Variants in ZNF536 observed in about 807,000 individuals in gnomAD.
ZNF536 encodes the protein zinc finger protein 536.
In ZNF536, 13 loss-of-function variants were observed where a neutral mutation model predicts 84.5. The ratio of observed to expected loss-of-function variants is 0.15; its 90% CI spans 0.10 to 0.24. The LOEUF is 0.24. Among genes scored for constraint, ZNF536 ranks in the 10% least tolerant of loss-of-function variants. The probability of loss-of-function intolerance (pLI) is 1.00; values close to 1 mark genes in which losing one functional copy is unlikely to be tolerated. For missense variants in ZNF536, 1,536 were observed against 1,747.5 expected (o/e 0.88, Z 2.16); for synonymous variants, 811 against 742.5 (o/e 1.09, Z -1.50).
chr19:30,533,210 G>A (rs1006683379), intron 2 of ZNF536, among the ~76,000 whole-genome samples: 4 of 152,230 alleles, frequency 2.6e-5, no homozygotes, highest in African/African-American at 4.8e-5. Context: ...TGCTTAGAGC[G>A]AATACTCAAA....
intron 2 of ZNF536, among the ~76,000 whole-genome samples, chr19:30,517,149 T>C (rs2044113158): frequency 6.6e-6 from 1 of 152,226 alleles, no homozygotes; most frequent in Admixed American, 6.5e-5. Context: ...TTTGGTATCA[T>C]AGCGAAGAAT....
intron 3 of ZNF536, among the ~76,000 whole-genome samples, chr19:30,361,505 T>C (rs1239267331): frequency 6.6e-6 from 1 of 152,006 alleles, no homozygotes; most frequent in Non-Finnish European, 1.5e-5. Context: ...TTGTTAGAGA[T>C]TTGGGGGGCT....
downstream of ZNF536, among the ~76,000 whole-genome samples, chr19:30,562,172 C>A (rs2046193854): frequency 6.6e-6 from 1 of 152,100 alleles, no homozygotes; most frequent in African/African-American, 2.4e-5. Context: ...TGCTCCGGAC[C>A]CTCTTAGGTC....
intron 1 of ZNF536, among the ~76,000 whole-genome samples, chr19:30,687,138 G>A (rs913670779): frequency 3.3e-5 from 5 of 152,190 alleles, no homozygotes; most frequent in African/African-American, 9.7e-5. Flanking sequence ...CAGCCCGGCC[G>A]GGCAGACGCG....
At chr19:30,478,491 C>T (rs2053943495) in intron 2 of ZNF536, among the ~76,000 whole-genome samples, 1 of 152,110 alleles carries the variant, frequency 6.6e-6, no homozygotes, top group African/African-American at 2.4e-5. Context: ...GTTTTGGGCT[C>T]AGTCAGGCAT....
intron 1 of ZNF536, among the ~76,000 whole-genome samples, chr19:30,627,065 G>T (rs1267028924): frequency 2.0e-5 from 3 of 152,114 alleles, no homozygotes; most frequent in Admixed American, 6.5e-5. Flanking sequence ...TCTTGACAGG[G>T]CTCCTTCCTG....
At chr19:30,235,152 C>G (rs1337674051) in intron 1 of ZNF536, among the ~76,000 whole-genome samples, 1 of 152,204 alleles carries the variant, frequency 6.6e-6, no homozygotes, top group East Asian at 1.9e-4. Flanking sequence ...GGTGCATTAT[C>G]TTGCTTAGTT....
At chr19:30,419,533 T>A (rs1411954728) in intron 1 of ZNF536, among the ~76,000 whole-genome samples, 2 of 152,170 alleles carry the variant, frequency 1.3e-5, no homozygotes, top group Non-Finnish European at 2.9e-5. Context: ...CACACACATA[T>A]GCGTGTGTAT....
intron 2 of ZNF536, among the ~76,000 whole-genome samples, chr19:30,516,772 G>A (rs557895267): frequency 5.9e-5 from 9 of 152,334 alleles, no homozygotes; most frequent in South Asian, 2.1e-4. Context: ...GTTTAGAGAC[G>A]GAGTGTGCCG....
intron 1 of ZNF536, among the ~76,000 whole-genome samples, chr19:30,655,441 T>C (rs1414992144): frequency 6.6e-6 from 1 of 152,016 alleles, no homozygotes; most frequent in Admixed American, 6.6e-5. Flanking sequence ...AGCATGCTGA[T>C]TGGTATAGGG....
upstream of ZNF536, among the ~76,000 whole-genome samples, chr19:30,367,506 C>T (rs1435254570): frequency 1.3e-5 from 2 of 152,316 alleles, no homozygotes; most frequent in African/African-American, 4.8e-5. Context: ...TTGCAATTCA[C>T]ACCTGCACGC....
At chr19:30,697,434 T>G (rs746012711) in intron 1 of ZNF536, among the ~76,000 whole-genome samples, 8 of 152,150 alleles carry the variant, frequency 5.3e-5, no homozygotes, top group Non-Finnish European at 7.4e-5. Context: ...GTAGGTGGAG[T>G]ATTTTAATAC....
rs117148005 is a variant in ZNF536, at chr19:30,514,251, G to A, written c.2171-20596G>A. Among the ~76,000 whole-genome samples the A allele has an allele frequency of 1.6e-4, 24 of 152,226 alleles. No individual in the cohort carries two copies. In the East Asian group the frequency reaches 4.5e-3, roughly 28 times the overall value. On this transcript the variant is annotated intron_variant, in intron 2 of 4. Coordinates refer to ENST00000355537, the MANE Select transcript of ZNF536 (RefSeq NM_014717.3). ...CAGTTTGTCCACATCCAACTGGGTGGTTAGGGAGAGGTTATTCAATTTACT... is the reference window on the plus strand; with the variant it reads ...CAGTTTGTCCACATCCAACTGGGTGATTAGGGAGAGGTTATTCAATTTACT...
At chr19:30,634,069 C>T (rs993495563) in intron 1 of ZNF536, among the ~76,000 whole-genome samples, 2 of 152,072 alleles carry the variant, frequency 1.3e-5, no homozygotes, top group African/African-American at 4.8e-5. Context: ...GGAGCTCAGG[C>T]TGCAGGAAGG....
intron 1 of ZNF536, among the ~76,000 whole-genome samples, chr19:30,373,796 A>G (rs962859340): frequency 6.6e-6 from 1 of 152,224 alleles, no homozygotes; most frequent in Non-Finnish European, 1.5e-5. Context: ...TAACTTAATC[A>G]GATGCCGAGG....
chr19:30,400,136 C>CTTT (rs1053201176), intron 1 of ZNF536, among the ~76,000 whole-genome samples: 1 of 146,896 alleles, frequency 6.8e-6, no homozygotes, highest in African/African-American at 2.5e-5. Flanking sequence ...TATTGTAGGA[C>CTTT]TTTTTTTTTT....
At chr19:30,327,335 C>A (rs1322683967) in intron 2 of ZNF536, among the ~76,000 whole-genome samples, 1 of 152,150 alleles carries the variant, frequency 6.6e-6, no homozygotes, top group African/African-American at 2.4e-5. Context: ...CTGACTGAAC[C>A]CTGCCCCATC....
At chr19:30,547,864 A>C in intron 3 of ZNF536, 79 bp from the exon 4 acceptor site, 5 of 1,470,090 alleles carry the variant, frequency 3.4e-6, no homozygotes, top group Non-Finnish European at 3.6e-6. Flanking sequence ...CAAAGAACAA[A>C]TGTTGATCCT....
intron 1 of ZNF536, among the ~76,000 whole-genome samples, chr19:30,661,006 G>A (rs1461581680): frequency 6.6e-6 from 1 of 152,218 alleles, no homozygotes; most frequent in African/African-American, 2.4e-5. Context: ...CGTGAGCCCA[G>A]TGTTCCGAAG....
Sources: allele counts gnomAD v4.1 joint callset (sites outside exome capture counted in the v4.1 genomes callset), GRCh38; gene constraint gnomAD v4.1.1; transcripts MANE v1.5; gene names NCBI Gene and HGNC (gene_info 2026-07-23, HGNC 2026-07-21).